Variants in EPHA3 observed in about 807,000 individuals in gnomAD.
EPHA3 encodes the protein ephrin type-A receptor 3.
In EPHA3, 42 loss-of-function variants were observed where a neutral mutation model predicts 107.1. The observed-to-expected ratio is 0.39, with a 90% confidence interval of 0.31 to 0.51. The LOEUF (loss-of-function observed/expected upper bound fraction) is 0.51. Among genes scored for constraint, EPHA3 ranks in the 20% least tolerant of loss-of-function variants. EPHA3 has a pLI of 0.78. For synonymous variants in EPHA3, 461 were observed against 424.8 expected (o/e 1.09, Z -1.05); for missense variants, 1,183 against 1,211.2 (o/e 0.98, Z 0.35).
intron 12 of EPHA3, among the ~76,000 whole-genome samples, chr3:89,430,251 G>A (rs904063742): frequency 5.9e-5 from 9 of 152,032 alleles, no homozygotes; most frequent in African/African-American, 1.9e-4. Flanking sequence ...ATTGAGATGG[G>A]CAGATGACAG....
intron 2 of EPHA3, among the ~76,000 whole-genome samples, chr3:89,196,752 C>T (rs1705845499): frequency 6.6e-6 from 1 of 152,110 alleles, no homozygotes; most frequent in African/African-American, 2.4e-5. Context: ...CTAAATGCCA[C>T]CTCCTGACTG....
intron 5 of EPHA3, among the ~76,000 whole-genome samples, chr3:89,352,566 TA>T (rs999309942): frequency 2.7e-5 from 4 of 150,758 alleles, no homozygotes; most frequent in South Asian, 4.2e-4. Flanking sequence ...AAGATATACT[TA>T]AAAAAAGAAC....
chr3:89,224,941 G>A (rs954757185), intron 3 of EPHA3, among the ~76,000 whole-genome samples: 30 of 151,824 alleles, frequency 2.0e-4, no homozygotes, highest in African/African-American at 5.3e-4. Flanking sequence ...AAATATAGAC[G>A]GGAAAGGTTA....
At chr3:89,431,447 A>C in intron 13 of EPHA3, 88 bp downstream of exon 13, 1 of 1,095,954 alleles carries the variant, frequency 9.1e-7, no homozygotes, top group Admixed American at 2.5e-5. Flanking sequence ...CATGACCCAA[A>C]ACGTGTTGTC....
In EPHA3 at chr3:89,473,330, T is replaced by G. The variant is rs1409481492; in HGVS notation, c.2846+711T>G. On this transcript the variant is annotated intron_variant, in intron 16 of 16. Transcript: ENST00000336596. ...ATGCTGTATTTTGTGGACAATCATC[T>G]TTGGGTAACAGGAATCTTTTGATAT... Among the ~76,000 whole-genome samples the G allele has an allele frequency of 2.0e-5, 3 of 152,284 alleles. No homozygotes were observed. In the East Asian group the frequency reaches 5.8e-4, roughly 29 times the overall value.
intron 2 of EPHA3, among the ~76,000 whole-genome samples, chr3:89,147,481 T>C (rs11128067): frequency 0.36 from 54,381 of 151,638 alleles, 11,981 homozygotes; most frequent in Admixed American, 0.48. Context: ...AGGAAATTTG[T>C]GCTAATTTTG....
chr3:89,431,661 G>A (rs1359286589), intron 13 of EPHA3, among the ~76,000 whole-genome samples: 3 of 151,930 alleles, frequency 2.0e-5, no homozygotes, highest in Non-Finnish European at 4.4e-5. Flanking sequence ...TTTCACCATG[G>A]TTGAGTCACC....
At chr3:89,280,529 C>T (rs1705917186) in intron 3 of EPHA3, among the ~76,000 whole-genome samples, 1 of 152,124 alleles carries the variant, frequency 6.6e-6, no homozygotes, top group Non-Finnish European at 1.5e-5. Context: ...GCTGAGTGAA[C>T]TATTCTGGAG....
intron 2 of EPHA3, among the ~76,000 whole-genome samples, 188 bp from the exon 3 acceptor site, chr3:89,209,672 G>T (rs576314096): frequency 6.6e-6 from 1 of 152,202 alleles, no homozygotes; most frequent in South Asian, 2.1e-4. Flanking sequence ...ATTGAAATGT[G>T]TTCATCAAAA....
intron 6 of EPHA3, 78 bp downstream of exon 6, chr3:89,396,039 C>A: frequency 6.4e-7 from 1 of 1,557,720 alleles, no homozygotes; most frequent in Non-Finnish European, 8.7e-7. Flanking sequence ...TGCAAAGAAA[C>A]CAGTGACATT....
chr3:89,309,756 C>T (rs1216810784), intron 3 of EPHA3, among the ~76,000 whole-genome samples: 1 of 151,910 alleles, frequency 6.6e-6, no homozygotes, highest in East Asian at 1.9e-4. Context: ...TGTCGAATTT[C>T]TAAACATTCA....
At chr3:89,269,302 A>G (rs568262617) in intron 3 of EPHA3, among the ~76,000 whole-genome samples, 6 of 152,272 alleles carry the variant, frequency 3.9e-5, no homozygotes, top group Middle Eastern at 3.4e-3. Flanking sequence ...GACTTGGAAC[A>G]TTAGTTTCCA....
At chr3:89,429,702 C>A (rs547158211) in intron 12 of EPHA3, among the ~76,000 whole-genome samples, 16 of 133,932 alleles carry the variant, frequency 1.2e-4, no homozygotes, top group Middle Eastern at 4.1e-3. Context: ...TATCATCTAT[C>A]TATCTATCTA....
At chr3:89,284,960 T>G (rs1706043539) in intron 3 of EPHA3, among the ~76,000 whole-genome samples, 1 of 152,030 alleles carries the variant, frequency 6.6e-6, no homozygotes, top group African/African-American at 2.4e-5. Flanking sequence ...AACCCATTTC[T>G]ACTAAAAATA....
intron 15 of EPHA3, among the ~76,000 whole-genome samples, 167 bp downstream of exon 15, chr3:89,450,537 C>A (rs536515109): frequency 6.6e-6 from 1 of 152,044 alleles, no homozygotes; most frequent in Non-Finnish European, 1.5e-5. Context: ...AGAACTAATT[C>A]TCGTCCTCCT....
intron 2 of EPHA3, among the ~76,000 whole-genome samples, chr3:89,177,885 G>A (rs868026133): frequency 2.6e-5 from 4 of 151,938 alleles, no homozygotes; most frequent in African/African-American, 7.3e-5. Flanking sequence ...ATACTGTGCT[G>A]TTCAATTAAA....
At chr3:89,393,184 G>A (rs2107500926) in intron 5 of EPHA3, among the ~76,000 whole-genome samples, 1 of 152,250 alleles carries the variant, frequency 6.6e-6, no homozygotes, top group Admixed American at 6.5e-5. Context: ...AATCAGAAAA[G>A]GTTCATTTAA....
chr3:89,185,443 A>C (rs992642293), intron 2 of EPHA3, among the ~76,000 whole-genome samples: 8 of 152,110 alleles, frequency 5.3e-5, no homozygotes, highest in Non-Finnish European at 1.0e-4. Context: ...TTGAGAGAAT[A>C]GATCTCAGGA....
chr3:89,222,037 T>G (rs1704389884), intron 3 of EPHA3, among the ~76,000 whole-genome samples: 1 of 152,110 alleles, frequency 6.6e-6, no homozygotes, highest in South Asian at 2.1e-4. Flanking sequence ...ACAGGGCATC[T>G]CTGGCCTTTA....
Sources: allele counts gnomAD v4.1 joint callset (sites outside exome capture counted in the v4.1 genomes callset), GRCh38; gene constraint gnomAD v4.1.1; transcripts MANE v1.5; gene names NCBI Gene and HGNC (gene_info 2026-07-23, HGNC 2026-07-21).